The following SGSM3 variants were observed in gnomAD, a reference collection of about 807,000 sequenced individuals.
The protein encoded by SGSM3 is RUN and SH3 containing 3.
SGSM3 carries 96 observed loss-of-function variants against 100.5 expected under a neutral mutation model. The ratio of observed to expected loss-of-function variants is 0.96; its 90% confidence interval spans 0.81 to 1.13. The LOEUF (loss-of-function observed/expected upper bound fraction) is 1.13. Among genes scored for constraint, SGSM3 ranks in the 50% most tolerant of loss-of-function variants. The pLI is 0.00. For synonymous variants in SGSM3, 483 were observed against 422.8 expected, an observed-to-expected ratio of 1.14 and a Z score of -1.75; for missense variants, 1,001 against 1,015.8, an observed-to-expected ratio of 0.99 and a Z score of 0.20.
At chr22:40,408,452 G>C in intron 16 of SGSM3, 23 bp downstream of exon 16, 2 of 1,612,940 alleles carry the variant, frequency 1.2e-6, no homozygotes, top group Non-Finnish European at 1.7e-6. Context: ...CTGGGCCCAT[G>C]ACCCCCACCC....
At chr22:40,375,130 C>T (rs1000722731) in intron 1 of SGSM3, among the ~76,000 whole-genome samples, 1 of 152,160 alleles carries the variant, frequency 6.6e-6, no homozygotes, top group Admixed American at 6.5e-5. Flanking sequence ...CTAATATATG[C>T]CTCTTTTGCA....
intron 1 of SGSM3, among the ~76,000 whole-genome samples, chr22:40,389,285 T>G (rs1009919868): frequency 2.0e-5 from 3 of 152,124 alleles, no homozygotes; most frequent in African/African-American, 7.2e-5. Flanking sequence ...TAAATGCTAC[T>G]GAGTGGTCAG....
intron 1 of SGSM3, among the ~76,000 whole-genome samples, chr22:40,373,740 C>T (rs1290822948): frequency 2.0e-5 from 3 of 151,512 alleles, no homozygotes; most frequent in African/African-American, 7.3e-5. Flanking sequence ...CTCAGCCTCC[C>T]GAGTAGCTGA....
chr22:40,399,215 G>A (rs9611333), intron 1 of SGSM3, among the ~76,000 whole-genome samples: 2 of 99,346 alleles, frequency 2.0e-5, no homozygotes, highest in Admixed American at 1.5e-4. Flanking sequence ...CAAACTCCTG[G>A]CCTCAAGTGA....
intron 1 of SGSM3, chr22:40,376,344 A>G (rs1337398278): frequency 3.3e-5 from 5 of 151,902 alleles, no homozygotes; most frequent in Admixed American, 2.0e-4. Context: ...GTTGGAGTGC[A>G]GTGGCATGAT....
rs1350683792 is a variant in SGSM3 at position 40,407,591 on chromosome 22, C to T, written c.1524+23C>T. On this transcript the variant is annotated intron_variant, in intron 13 of 21. Transcript: ENST00000248929. The surrounding 1 kb of genome is among the most constrained non-coding windows in gnomAD (Gnocchi z 4.7). ...ACAGTGCGTGGGGGCGCTGGACTAC[C>T]AGGTCCTCAGGCTGTGGCGGGTTCC... is the stretch of plus-strand genomic sequence containing the variant. 2 of 1,598,632 alleles carry T rather than the reference C, an allele frequency of 1.3e-6. No homozygotes were observed. Among genetic ancestry groups the T allele is most frequent in the Admixed American group, 1.7e-5 (1 of 59,808 alleles).
intron 1 of SGSM3, among the ~76,000 whole-genome samples, chr22:40,372,046 C>G (rs2045612111): frequency 6.6e-6 from 1 of 151,198 alleles, no homozygotes; most frequent in Admixed American, 6.6e-5. Flanking sequence ...TTTTGATAAT[C>G]CTAAGTGAAT....
Position 40,404,413 on chromosome 22 carries a change from C to T in SGSM3, c.324C>T (p.Arg108=). ...AVSLPRSEKL[R]SLVLAGIPHG... is the part of the protein sequence containing the mutation. ...CCCTACCCCGCTCTGAGAAGCTCCG[C>T]TCCCTGGTGCTGGCCGGCATCCCAC... Residue 108 remains arginine, a synonymous_variant, in exon 5 of 22, where the codon CGC becomes CGT. Transcript: ENST00000248929. 6.2e-7 allele frequency: 1 copy of T among 1,607,262 alleles called. No homozygotes were observed. The highest frequency in any genetic ancestry group is 1.1e-5 in the South Asian group (1 of 90,084).
chr22:40,381,738 T>C (rs1031268736), intron 1 of SGSM3, among the ~76,000 whole-genome samples: 8 of 152,142 alleles, frequency 5.3e-5, no homozygotes, highest in Non-Finnish European at 1.2e-4. Flanking sequence ...GAGGATTCCT[T>C]GAGGCCAAGA....
At chr22:40,395,630 G>A (rs1166694084) in intron 1 of SGSM3, among the ~76,000 whole-genome samples, 2 of 151,550 alleles carry the variant, frequency 1.3e-5, no homozygotes, top group African/African-American at 2.4e-5. Flanking sequence ...CCCCTGCCCC[G>A]TAACTCTTAA....
intron 6 of SGSM3, 80 bp downstream of exon 6, chr22:40,404,744 A>G: frequency 1.0e-6 from 1 of 998,020 alleles, no homozygotes; most frequent in Non-Finnish European, 1.5e-6. Flanking sequence ...TGGGGTTCTT[A>G]GAGTGTGCCC....
At chr22:40,396,109 A>C (rs556230764) in intron 1 of SGSM3, among the ~76,000 whole-genome samples, 40 of 152,242 alleles carry the variant, frequency 2.6e-4, no homozygotes, top group Middle Eastern at 3.4e-3. Context: ...TTGAGCATTT[A>C]TTGTCTGATT....
Position 40,407,702 on chromosome 22 carries a change from T to G in SGSM3, c.1525-87T>G. On this transcript the variant is annotated intron_variant, in intron 13 of 21. Coordinates refer to ENST00000248929, the MANE Select transcript of SGSM3 (RefSeq NM_015705.6). The surrounding 1 kb of genome is among the most constrained non-coding windows in gnomAD (Gnocchi z 4.7). Reference sequence around the variant, plus strand: ...AAGATGTAGGGGTCTTGGCCTGGCCTAGTTGCTGAGGAGTCATATCGGGGG... The same window carrying G: ...AAGATGTAGGGGTCTTGGCCTGGCCGAGTTGCTGAGGAGTCATATCGGGGG... The G allele has an allele frequency of 6.3e-7, 1 of 1,585,522 alleles. No individual in the cohort carries two copies. The highest frequency in any genetic ancestry group is 1.7e-5 in the Admixed American group (1 of 59,896).
chr22:40,387,199 T>C (rs2048613046), intron 1 of SGSM3: 1 of 398,620 alleles, frequency 2.5e-6, no homozygotes, highest in Non-Finnish European at 4.4e-6. Context: ...TAACACATAT[T>C]ATTTTTCCTT....
intron 1 of SGSM3, among the ~76,000 whole-genome samples, chr22:40,383,763 T>C (rs1053854122): frequency 6.6e-6 from 1 of 152,158 alleles, no homozygotes; most frequent in Non-Finnish European, 1.5e-5. Context: ...TCAGGGGATA[T>C]TAACCTACTC....
At chr22:40,385,505 G>A (rs558049230) in intron 1 of SGSM3, among the ~76,000 whole-genome samples, 8 of 152,194 alleles carry the variant, frequency 5.3e-5, no homozygotes, top group South Asian at 2.1e-4. Context: ...AGAATTTAAC[G>A]TAGGAAGGAA....
chr22:40,375,032 GCTTA>G (rs2046318867), intron 1 of SGSM3, among the ~76,000 whole-genome samples: 1 of 152,078 alleles, frequency 6.6e-6, no homozygotes, highest in African/African-American at 2.4e-5. Context: ...GAAAATTTAG[GCTTA>G]CTAATTTATG....
chr22:40,398,266 C>CAAGATGTCTTTCCT (rs1260065899), intron 1 of SGSM3, among the ~76,000 whole-genome samples: 1 of 142,658 alleles, frequency 7.0e-6, no homozygotes, highest in Non-Finnish European at 1.5e-5. Flanking sequence ...CGGGCCCAGC[C>CAAGATGTCTTTCCT]TGTCATCTGA....
intron 1 of SGSM3, among the ~76,000 whole-genome samples, chr22:40,389,471 C>A (rs1047855172): frequency 4.0e-4 from 61 of 151,600 alleles, no homozygotes; most frequent in African/African-American, 1.5e-3. Context: ...TGGTGGCGGG[C>A]GCCTGTAGTC....
Sources: allele counts gnomAD v4.1 joint callset (sites outside exome capture counted in the v4.1 genomes callset), GRCh38; gene constraint gnomAD v4.1.1; non-coding constraint Gnocchi (gnomAD v3.1); transcripts MANE v1.5; gene names NCBI Gene and HGNC (gene_info 2026-07-23, HGNC 2026-07-21).